PHF20: variants seen among roughly 807,000 people sequenced by gnomAD.
PHF20 encodes PHD finger protein 20.
PHF20 carries 23 observed loss-of-function variants against 113.5 expected under a neutral mutation model. The ratio of observed to expected loss-of-function variants is 0.20; its 90% CI spans 0.15 to 0.29. The LOEUF (loss-of-function observed/expected upper bound fraction) is 0.29. Among genes scored for constraint, PHF20 ranks in the 10% least tolerant of loss-of-function variants. PHF20 has a pLI of 1.00. For synonymous variants in PHF20, 434 were observed against 457.3 expected (o/e 0.95, Z 0.65); for missense variants, 943 against 1,219.6 (o/e 0.77, Z 3.38).
Position 35,925,102 on chromosome 20 carries a change from G to A in PHF20, c.2005-2678G>A, listed in dbSNP as rs187678968. On this transcript the variant is annotated intron_variant, in intron 13 of 17. Coordinates refer to ENST00000374012, the MANE Select transcript of PHF20 (RefSeq NM_016436.5). ...GATTCATCTGTCTGTATATTTGCTCGTACAATTCTATTTTAATTATTGTAC... is the reference window on the plus strand; with the variant it reads ...GATTCATCTGTCTGTATATTTGCTCATACAATTCTATTTTAATTATTGTAC... Among the ~76,000 whole-genome samples, 328 of 151,608 alleles carry A rather than the reference G, an allele frequency of 2.2e-3. 1 individual carries two copies. Among genetic ancestry groups the A allele is most frequent in the African/African-American group, 7.6e-3 (315 of 41,348 alleles).
At chr20:35,882,999 G>C (rs2054661766) in intron 9 of PHF20, among the ~76,000 whole-genome samples, 1 of 149,582 alleles carries the variant, frequency 6.7e-6, no homozygotes, top group South Asian at 2.1e-4. Context: ...TTGCACTCCA[G>C]CCTGGGTGAC....
chr20:35,839,390 C>CAAAAAAAAAAAAAAAAAA (rs752680212), intron 2 of PHF20, among the ~76,000 whole-genome samples: 1 of 67,928 alleles, frequency 1.5e-5, no homozygotes. Context: ...GATTCCATCT[C>CAAAAAAAAAAAAAAAAAA]AAAAAAAAAA....
At chr20:35,876,792 G>A (rs543049204) in intron 9 of PHF20, among the ~76,000 whole-genome samples, 2 of 151,662 alleles carry the variant, frequency 1.3e-5, no homozygotes, top group South Asian at 4.2e-4. Flanking sequence ...CCAACATGGT[G>A]AAACCCCATC....
At chr20:35,831,862 A>G (rs1232581536) in intron 2 of PHF20, among the ~76,000 whole-genome samples, 3 of 152,180 alleles carry the variant, frequency 2.0e-5, no homozygotes, top group African/African-American at 7.2e-5. Flanking sequence ...AGCTCTGGTA[A>G]AGAGGGTCCA....
At chr20:35,865,372 G>A (rs945194429) in intron 6 of PHF20, among the ~76,000 whole-genome samples, 7 of 151,652 alleles carry the variant, frequency 4.6e-5, no homozygotes, top group African/African-American at 7.3e-5. Context: ...GTGGTGGCAC[G>A]TGCTTGTAGT....
At chr20:35,850,425 C>T (rs2042704444) in intron 4 of PHF20, among the ~76,000 whole-genome samples, 1 of 148,894 alleles carries the variant, frequency 6.7e-6, no homozygotes, top group Non-Finnish European at 1.5e-5. Flanking sequence ...TCTCCTGCCT[C>T]AGCCTCCTGA....
At chr20:35,866,112 A>G (rs1368898245) in intron 6 of PHF20, among the ~76,000 whole-genome samples, 1 of 152,142 alleles carries the variant, frequency 6.6e-6, no homozygotes, top group Non-Finnish European at 1.5e-5. Flanking sequence ...TGGGAGGCTG[A>G]GGCAGGAGAA....
intron 2 of PHF20, among the ~76,000 whole-genome samples, chr20:35,802,938 G>GAA (rs768194320): frequency 8.7e-5 from 6 of 69,166 alleles, no homozygotes; most frequent in Non-Finnish European, 1.7e-4. Flanking sequence ...GACTCGGTCT[G>GAA]AAAAAAAAAA....
intron 9 of PHF20, among the ~76,000 whole-genome samples, chr20:35,895,702 T>C (rs945935708): frequency 2.0e-5 from 3 of 150,198 alleles, no homozygotes; most frequent in Admixed American, 6.6e-5. Context: ...TTTTTTTTTT[T>C]TGAGACAGAG....
chr20:35,794,425 C>T (rs576737053), intron 1 of PHF20, among the ~76,000 whole-genome samples: 2 of 152,256 alleles, frequency 1.3e-5, no homozygotes, highest in East Asian at 3.9e-4. Flanking sequence ...TTTCCAGTAC[C>T]TGGCACACAG....
At chr20:35,894,089 C>T (rs2147045267) in intron 9 of PHF20, among the ~76,000 whole-genome samples, 1 of 152,292 alleles carries the variant, frequency 6.6e-6, no homozygotes, top group East Asian at 1.9e-4. Flanking sequence ...TGTGAATAGT[C>T]ATACTAGGAA....
chr20:35,860,711 A>G (rs894373412), intron 5 of PHF20, among the ~76,000 whole-genome samples: 1 of 152,298 alleles, frequency 6.6e-6, no homozygotes, highest in South Asian at 2.1e-4. Flanking sequence ...GGAGCCATAC[A>G]GTACTCTAAA....
At chr20:35,784,844 A>C (rs1440996758) in intron 1 of PHF20, among the ~76,000 whole-genome samples, 1 of 152,038 alleles carries the variant, frequency 6.6e-6, no homozygotes, top group Non-Finnish European at 1.5e-5. Context: ...TGAGCTGAGG[A>C]GTTCGAGACT....
intron 2 of PHF20, among the ~76,000 whole-genome samples, chr20:35,832,875 C>T (rs2042378354): frequency 6.6e-6 from 1 of 151,974 alleles, no homozygotes; most frequent in South Asian, 2.1e-4. Flanking sequence ...TAGTGAAACC[C>T]TGTCTCTACT....
At chr20:35,934,520 T>C (rs948867185) in intron 15 of PHF20, among the ~76,000 whole-genome samples, 1 of 152,248 alleles carries the variant, frequency 6.6e-6, no homozygotes, top group Non-Finnish European at 1.5e-5. Context: ...TGCATGGTCT[T>C]AGGTTCCTTT....
At chr20:35,845,780 C>CTTTTTTTTTTTT (rs398061407) in intron 3 of PHF20, among the ~76,000 whole-genome samples, 2 of 135,284 alleles carry the variant, frequency 1.5e-5, no homozygotes, top group Non-Finnish European at 1.6e-5. Flanking sequence ...ATTTTTCTTT[C>CTTTTTTTTTTTT]TTTTTTTTTT....
intron 15 of PHF20, 21 bp from the exon 16 acceptor site, chr20:35,938,676 T>C: frequency 6.3e-7 from 1 of 1,576,576 alleles, no homozygotes; most frequent in Middle Eastern, 2.0e-4. Context: ...AAAGCCCATG[T>C]CCTCTTTGTC....
intron 10 of PHF20, 45 bp from the exon 11 acceptor site, chr20:35,913,204 T>A: frequency 6.1e-6 from 8 of 1,319,948 alleles, no homozygotes; most frequent in African/African-American, 1.5e-5. Context: ...CACCCCAGCA[T>A]TGAAAACAAA....
chr20:35,772,780 G>C (rs1386277952), intron 1 of PHF20, among the ~76,000 whole-genome samples: 1 of 151,976 alleles, frequency 6.6e-6, no homozygotes, highest in African/African-American at 2.4e-5. Flanking sequence ...CCTGTTATCG[G>C]GTCCTCAGAT....
Sources: allele counts gnomAD v4.1 joint callset (sites outside exome capture counted in the v4.1 genomes callset), GRCh38; gene constraint gnomAD v4.1.1; transcripts MANE v1.5; gene names NCBI Gene and HGNC (gene_info 2026-07-23, HGNC 2026-07-21).